The following ZNF468 variants were observed in gnomAD, a reference collection of about 807,000 sequenced individuals.
ZNF468 encodes the protein zinc finger protein ZNF468.
A neutral mutation model predicts 7.2 loss-of-function variants in ZNF468; 8 were observed. That is an observed-to-expected ratio of 1.11 (90% CI 0.65 to 2.01). The LOEUF (loss-of-function observed/expected upper bound fraction) is 2.01, where lower values mean the gene tolerates loss of function less well. ZNF468 is among the 30% of genes most tolerant of loss of function. The pLI is 0.00. For synonymous variants in ZNF468, 218 were observed against 214.4 expected (o/e 1.02, Z -0.15); for missense variants, 608 against 626.5 (o/e 0.97, Z 0.31).
In ZNF468 at chr19:52,851,449, C is replaced by T. The variant is rs767764928; in HGVS notation, c.16-2236G>A. Among the ~76,000 whole-genome samples the T allele has an allele frequency of 3.4e-4, 52 of 152,038 alleles. 1 individual carries two copies. The highest frequency in any genetic ancestry group is 1.2e-3 in the African/African-American group (48 of 41,456). Reference sequence around the variant, plus strand: ...AAAATTATTCAGGTGTGGTGGCACTCGCCTGTATTCCCAGCTACTCAGGAG... The same window carrying T: ...AAAATTATTCAGGTGTGGTGGCACTTGCCTGTATTCCCAGCTACTCAGGAG... On this transcript the variant is annotated intron_variant, in intron 2 of 3. Transcript: ENST00000595646.
At chr19:52,849,511 C>T (rs2063367459) in intron 2 of ZNF468, 2 of 433,316 alleles carry the variant, frequency 4.6e-6, no homozygotes, top group Admixed American at 8.6e-5. Context: ...CTTTTATAGA[C>T]ACACCAAGTG....
chr19:52,854,654 T>G (rs1170030490), intron 1 of ZNF468, among the ~76,000 whole-genome samples: 1 of 152,118 alleles, frequency 6.6e-6, no homozygotes, highest in Non-Finnish European at 1.5e-5. Flanking sequence ...CTTAGGAAGC[T>G]GATGTGGAAG....
At position 52,838,975 on chromosome 19, in the gene ZNF468, A is replaced by C. The variant is rs2063271027; in HGVS notation, c.*1750T>G. 1.3e-5 allele frequency: 2 copies of C among 152,190 alleles called. No individual in the cohort carries two copies. Among genetic ancestry groups the C allele is most frequent in the African/African-American group, 2.4e-5 (1 of 41,430 alleles). 9.4% of individuals were successfully genotyped at this position (152,190 alleles called of 1,614,324 possible). ...TTGTTAAAGAAACAAAAAACAGGCCAGGCACAGTGGCTCACTCCTGTAATC... is the reference window on the plus strand; with the variant it reads ...TTGTTAAAGAAACAAAAAACAGGCCCGGCACAGTGGCTCACTCCTGTAATC... On this transcript the variant is annotated 3_prime_UTR_variant, in exon 4 of 4. Transcript: ENST00000595646.
chr19:52,849,268 C>T lies in ZNF468; in HGVS notation c.16-55G>A. On this transcript the variant is annotated intron_variant, in intron 2 of 3. Coordinates refer to ENST00000595646, the MANE Select transcript of ZNF468 (RefSeq NM_001008801.2). ...GTTATGGGAGGAGATCTTATCTTTA[C>T]AAAAAATGAGAGGAGGAGAGAGGGG... The T allele has an allele frequency of 4.4e-6, 7 of 1,606,950 alleles. No homozygotes were observed. In the East Asian group the frequency reaches 6.7e-5, roughly 15 times the overall value.
chr19:52,857,093 A>C lies in ZNF468; in HGVS notation c.-74+479T>G, dbSNP rs56371813. ...GCGGAGGGGAGATCTGGGGAGCAGC[A>C]GGGCCCAGCAAGAGGAGGAGGGAGG... On this transcript the variant is annotated intron_variant, in intron 1 of 3. Transcript: ENST00000595646. Among the ~76,000 whole-genome samples the C allele has an allele frequency of 9.6e-3, 1,435 of 150,200 alleles. 17 individuals are homozygous for C. The highest frequency in any genetic ancestry group is 0.033 in the African/African-American group (1,359 of 40,642).
At chr19:52,848,601 A>G (rs1338013689) in intron 3 of ZNF468, among the ~76,000 whole-genome samples, 2 of 152,038 alleles carry the variant, frequency 1.3e-5, no homozygotes, top group Non-Finnish European at 2.9e-5. Flanking sequence ...CCCAGGCTGG[A>G]GTGCAGCAGT....
At chr19:52,843,400 T>C (rs1486343761) in intron 3 of ZNF468, among the ~76,000 whole-genome samples, 1 of 151,946 alleles carries the variant, frequency 6.6e-6, no homozygotes, top group Non-Finnish European at 1.5e-5. Context: ...GCCCAGCTAA[T>C]TTTTGTATTT....
rs1217185311 is a variant in ZNF468 at position 52,841,752 on chromosome 19, C to G, written c.542G>C (p.Cys181Ser). 10 of 1,614,030 alleles carry G rather than the reference C, an allele frequency of 6.2e-6. No homozygotes were observed. The highest frequency in any genetic ancestry group is 1.6e-4 in the Middle Eastern group (1 of 6,062). The change falls in exon 4 of 4, where the codon TGT (cysteine) becomes TCT (serine). Residue 181 changes from cysteine (C) to serine (S), a missense_variant. Transcript: ENST00000595646. ...ASSVSTSQRI[C>S]CRPKTHISNK... ...AGAAATATGGGTTTTGGGCCTACAA[C>G]AAATTCTTTGGGATGTTGAAACTGA...
Position 52,838,936 on chromosome 19 carries a change from G to GTC in ZNF468, c.*1787_*1788dup, listed in dbSNP as rs777233964. The GTC allele has an allele frequency of 6.6e-6, 1 of 152,086 alleles. No individual in the cohort carries two copies. Among genetic ancestry groups the GTC allele is most frequent in the Non-Finnish European group, 1.5e-5 (1 of 68,036 alleles). 9.4% of individuals were successfully genotyped at this position (152,086 alleles called of 1,614,324 possible). The stretch of plus-strand genomic sequence containing the variant: ...TAGATTCGGTACAATACTCATAGAA[G>GTC]TCTCTATAACTTTTTGTTAAAGAAA... On this transcript the variant is annotated 3_prime_UTR_variant, in exon 4 of 4. Coordinates refer to ENST00000595646, the MANE Select transcript of ZNF468 (RefSeq NM_001008801.2).
At chr19:52,854,887 TG>T (rs1376837885) in intron 1 of ZNF468, among the ~76,000 whole-genome samples, 1 of 152,046 alleles carries the variant, frequency 6.6e-6, no homozygotes, top group Non-Finnish European at 1.5e-5. Flanking sequence ...TAGCCGAGAT[TG>T]GTGGGTATCT....
intron 2 of ZNF468, chr19:52,849,447 G>A: frequency 1.2e-6 from 1 of 844,818 alleles, no homozygotes. Context: ...AAAAATAACA[G>A]AAATAAACAA....
chr19:52,854,033 G>T, intron 2 of ZNF468: 3 of 1,497,530 alleles, frequency 2.0e-6, no homozygotes, highest in Non-Finnish European at 2.7e-6. Context: ...CCATGTCGGG[G>T]TGTGAGCCCT....
Position 52,849,088 on chromosome 19 carries a change from C to A in ZNF468, c.141G>T (p.Leu47=). 1 of 1,613,704 alleles carries A rather than the reference C, an allele frequency of 6.2e-7. No homozygotes were observed. Among genetic ancestry groups the A allele is most frequent in the East Asian group, 2.2e-5 (1 of 44,842 alleles). Reference sequence around the variant, plus strand: ...CCCCAGGAGGGAAGTTATCCTCACCCAGGGAGACGAGGTTCCTATAATTCT... The same window carrying A: ...CCCCAGGAGGGAAGTTATCCTCACCAAGGGAGACGAGGTTCCTATAATTCT... ...MLENYRNLVS[L]DISSKCMLKT... The change falls in exon 3 of 4, where the codon CTG becomes CTT. Residue 47 remains leucine (L), a splice_region_variant and synonymous_variant. Coordinates refer to ENST00000595646, the MANE Select transcript of ZNF468 (RefSeq NM_001008801.2).
At chr19:52,846,366 A>T (rs766136767) in intron 3 of ZNF468, among the ~76,000 whole-genome samples, 21 of 152,108 alleles carry the variant, frequency 1.4e-4, no homozygotes, top group Non-Finnish European at 2.4e-4. Flanking sequence ...CACCTGGCTA[A>T]CTTTTGTAAT....
intron 3 of ZNF468, among the ~76,000 whole-genome samples, chr19:52,847,092 T>C (rs1373431037): frequency 6.6e-6 from 1 of 152,124 alleles, no homozygotes; most frequent in Non-Finnish European, 1.5e-5. Flanking sequence ...ACTGTGTCTA[T>C]GTAGAAAAGG....
intron 2 of ZNF468, among the ~76,000 whole-genome samples, chr19:52,852,548 G>C (rs1289597148): frequency 1.3e-5 from 2 of 151,662 alleles, no homozygotes; most frequent in Non-Finnish European, 2.9e-5. Context: ...ATGGTGGCGG[G>C]TGCCTGCAAT....
Position 52,839,947 on chromosome 19 carries a change from C to T in ZNF468, c.*778G>A, listed in dbSNP as rs2063280444. On this transcript the variant is annotated 3_prime_UTR_variant, in exon 4 of 4. Transcript: ENST00000595646. ...ACTGAAAACTTTGTGACAATCATTA[C>T]ATTAGTCAAGTTTCCCTATACCATG... 2 of 1,142,008 alleles carry T rather than the reference C, an allele frequency of 1.8e-6. No homozygotes were observed. The highest frequency in any genetic ancestry group is 2.4e-6 in the Non-Finnish European group (2 of 820,942). The allele number at this position is 1,142,008 out of a possible 1,614,324, so 70.7% of individuals were successfully genotyped here.
intron 2 of ZNF468, among the ~76,000 whole-genome samples, chr19:52,853,451 G>A (rs2044065418): frequency 1.3e-5 from 2 of 152,128 alleles, no homozygotes; most frequent in East Asian, 1.9e-4. Context: ...CACACTGGGG[G>A]GCCGAGGCGG....
Position 52,840,545 on chromosome 19 carries a change from A to G in ZNF468, c.*180T>C, listed in dbSNP as rs2063286149. 1.1e-5 allele frequency: 14 copies of G among 1,263,910 alleles called. No homozygotes were observed. The South Asian group carries it at 1.8e-4, about 16-fold the overall frequency. The allele number at this position is 1,263,910 out of a possible 1,614,324, so 78.3% of individuals were successfully genotyped here. The stretch of plus-strand genomic sequence containing the variant: ...ATTTACAACTGAAAACTTTTGTCAC[A>G]TTCCTCCCATTTGTAAGGTTTCTCT... On this transcript the variant is annotated 3_prime_UTR_variant, in exon 4 of 4. Coordinates refer to ENST00000595646, the MANE Select transcript of ZNF468 (RefSeq NM_001008801.2).
Sources: allele counts gnomAD v4.1 joint callset (sites outside exome capture counted in the v4.1 genomes callset), GRCh38; gene constraint gnomAD v4.1.1; transcripts MANE v1.5; gene names NCBI Gene and HGNC (gene_info 2026-07-23, HGNC 2026-07-21).